SLC22A17: variants seen among roughly 807,000 people sequenced by gnomAD.
SLC22A17 encodes solute carrier family 22 member 17, also known as 24p3 receptor.
In SLC22A17, 38 loss-of-function variants were observed where a neutral mutation model predicts 53.6. The ratio of observed to expected loss-of-function variants is 0.71; its 90% CI spans 0.55 to 0.93. The LOEUF is 0.93. SLC22A17 is among the 40% of genes least tolerant of loss of function. The pLI, the probability that SLC22A17 is intolerant of heterozygous loss-of-function variation, is 0.00. For synonymous variants in SLC22A17, 379 were observed against 353.0 expected, an observed-to-expected ratio of 1.07 and a Z score of -0.82; for missense variants, 704 against 791.0, an observed-to-expected ratio of 0.89 and a Z score of 1.32.
Position 23,348,414 on chromosome 14 carries a change from G to C in SLC22A17, c.1025+92C>G. 1 of 1,582,306 alleles carries C rather than the reference G, an allele frequency of 6.3e-7. No individual in the cohort carries two copies. The highest frequency in any genetic ancestry group is 8.6e-7 in the Non-Finnish European group (1 of 1,160,912). ...GGGGCTGGGGTAGGCCTGGACCAGG[G>C]GTAGTTGGAGAAGAGGAGGGGTCTC... On this transcript the variant is annotated intron_variant, in intron 5 of 9. Transcript: ENST00000397267. The surrounding 1 kb of genome is among the most constrained non-coding windows in gnomAD (Gnocchi z 4.5).
chr14:23,349,747 A>G (rs1595011399), intron 3 of SLC22A17: 2 of 377,420 alleles, frequency 5.3e-6, no homozygotes, highest in East Asian at 1.0e-4. Context: ...GGGATTTGGG[A>G]CCATTCATCC....
chr14:23,352,042 G>A lies in SLC22A17; in HGVS notation c.506C>T (p.Ser169Leu), dbSNP rs148898539. 1.3e-4 allele frequency: 208 copies of A among 1,608,010 alleles called. 1 individual carries two copies. In the African/African-American group the frequency reaches 2.5e-3, roughly 20 times the overall value. The stretch of plus-strand genomic sequence containing the variant: ...GTCCGGCGGGGCGAAGCCGCTGCAC[G>A]AGGGGTCGGTACTGGTGGCGACACG... The change falls in exon 2 of 10, where the codon TCG (serine) becomes TTG (leucine). Residue 169 changes from serine to leucine, a missense_variant. By Grantham distance (145) the Ser-to-Leu change is moderately radical (BLOSUM62 -2). Around this residue, in one of 4 missense-constraint regions of SLC22A17, gnomAD observed 435 missense variants for 529.0 expected, o/e 0.82. Transcript: ENST00000397267. This position sits in a 1 kb window ranked among gnomAD's most constrained non-coding sequence, Gnocchi z 7.2.
rs543673813 is a variant in SLC22A17 at position 23,347,321 on chromosome 14, C to G, written c.1550-109G>C. 6.8e-7 allele frequency: 1 copy of G among 1,473,538 alleles called. No individual in the cohort carries two copies. The highest frequency in any genetic ancestry group is 2.4e-5 in the East Asian group (1 of 41,454). The allele number at this position is 1,473,538 out of a possible 1,614,324, so 91.3% of individuals were successfully genotyped here. On this transcript the variant is annotated intron_variant, in intron 8 of 9. Coordinates refer to ENST00000397267, the Ensembl canonical transcript of SLC22A17. This position sits in a 1 kb window ranked among gnomAD's most constrained non-coding sequence, Gnocchi z 5.1. The stretch of plus-strand genomic sequence containing the variant: ...GTTCCCATGGCTCTAGCTGGGCAGG[C>G]TCTGGGCATTCAGTAATTGACTGGG...
chr14:23,346,340 T>C (rs529277000), exon 10 of SLC22A17: 23 of 356,074 alleles, frequency 6.5e-5, no homozygotes, highest in Non-Finnish European at 1.1e-4. Flanking sequence ...CCAAATGTCT[T>C]TATTGAAACA....
At position 23,348,270 on chromosome 14, in the gene SLC22A17, C is replaced by A. The variant is rs777612884; in HGVS notation, c.1062G>T (p.Leu354=). ...CCTCCTCAATCTGCCGCTTCACTAT[C>A]AGCCACCGTGCGGACTCCAGGAACA... The change falls in exon 6 of 10, where the codon CTG becomes CTT. Residue 354 remains leucine, a synonymous_variant. Transcript: ENST00000397267. The surrounding 1 kb of genome is among the most constrained non-coding windows in gnomAD (Gnocchi z 4.5). The A allele has an allele frequency of 6.2e-7, 1 of 1,614,060 alleles. No individual in the cohort carries two copies. The highest frequency in any genetic ancestry group is 1.6e-4 in the Middle Eastern group (1 of 6,084).
exon 10 of SLC22A17, chr14:23,346,544 C>T: frequency 7.4e-7 from 1 of 1,353,258 alleles, no homozygotes; most frequent in South Asian, 1.5e-5. Flanking sequence ...GCGTGAGGTG[C>T]CTCTGAGACT....
In SLC22A17 at chr14:23,352,098, G is replaced by A; in HGVS notation, c.450C>T (p.Ala150=). 6.3e-7 allele frequency: 1 copy of A among 1,587,090 alleles called. No homozygotes were observed. The highest frequency in any genetic ancestry group is 8.6e-7 in the Non-Finnish European group (1 of 1,168,006). ...CGGCGCTGGCTGCTAGGGCAGCGCT[G>A]GCGACGCTGACGCCGCTGGCATTGG... Residue 150 remains alanine, a synonymous_variant, in exon 2 of 10, where the codon GCC becomes GCT. Coordinates refer to ENST00000397267, the Ensembl canonical transcript of SLC22A17. This position sits in a 1 kb window ranked among gnomAD's most constrained non-coding sequence, Gnocchi z 7.2.
In SLC22A17 at chr14:23,347,543, G is replaced by A. The variant is rs1362755097; in HGVS notation, c.1466C>T (p.Ala489Val). Residue 489 changes from alanine to valine, a missense_variant, in exon 8 of 10, where the codon GCT becomes GTT. Physicochemically the swap from Ala to Val is moderately conservative, Grantham distance 64. Transcript: ENST00000397267. This position sits in a 1 kb window ranked among gnomAD's most constrained non-coding sequence, Gnocchi z 5.1. ...CCACAGGCCCAGCAGGACCAGGGAA[G>A]CAATGCCGGTAAGGGTCATGGAGAG... is the stretch of plus-strand genomic sequence containing the variant. 1.9e-6 allele frequency: 3 copies of A among 1,614,122 alleles called. No homozygotes were observed. Among genetic ancestry groups the A allele is most frequent in the Admixed American group, 1.7e-5 (1 of 60,022 alleles).
exon 10 of SLC22A17, chr14:23,346,552 A>T (rs1456171599): frequency 1.4e-6 from 2 of 1,385,816 alleles, no homozygotes; most frequent in Non-Finnish European, 1.9e-6. Flanking sequence ...TGCCTCTGAG[A>T]CTTCTGGGCA....
Position 23,348,670 on chromosome 14 carries a change from G to T in SLC22A17, c.861C>A (p.Arg287=). The change falls in exon 5 of 10, where the codon CGC becomes CGA. Residue 287 remains arginine, a splice_region_variant and synonymous_variant. Transcript: ENST00000397267. This position sits in a 1 kb window ranked among gnomAD's most constrained non-coding sequence, Gnocchi z 4.5. ...TCTGGGTTGGGTCGCACAGCTCCAG[G>T]CCTGGAGATACAGCAGGGGTGGAGA... The T allele has an allele frequency of 6.2e-7, 1 of 1,609,246 alleles. No homozygotes were observed. The highest frequency in any genetic ancestry group is 8.5e-7 in the Non-Finnish European group (1 of 1,177,742).
intron 3 of SLC22A17, among the ~76,000 whole-genome samples, chr14:23,350,379 A>G (rs1340242475): frequency 2.6e-5 from 4 of 152,222 alleles, no homozygotes; most frequent in Non-Finnish European, 4.4e-5. Context: ...GTATTAATCC[A>G]TAAGGTAGGA....
At chr14:23,349,393 C>G (rs1244477287) in exon 4 of SLC22A17, 1 of 1,613,718 alleles carries the variant, frequency 6.2e-7, no homozygotes, top group Non-Finnish European at 8.5e-7. Flanking sequence ...CCACCAGCCC[C>G]AAGGTCAGCA....
In SLC22A17 at chr14:23,347,038, T is replaced by TGG. The variant is rs1889253644; in HGVS notation, c.1661+61_1661+62dup. On this transcript the variant is annotated intron_variant, in intron 9 of 9. Coordinates refer to ENST00000397267, the Ensembl canonical transcript of SLC22A17. This position sits in a 1 kb window ranked among gnomAD's most constrained non-coding sequence, Gnocchi z 5.1. ...AGCCCGCAGGCCCTGTCCTCAGGGG[T>TGG]GGGGTGGGGGAGCGGGAGGCGAGGG... is the stretch of plus-strand genomic sequence containing the variant. 1 of 1,524,480 alleles carries TGG rather than the reference T, an allele frequency of 6.6e-7. No homozygotes were observed. The highest frequency in any genetic ancestry group is 1.4e-5 in the African/African-American group (1 of 73,108). The allele number at this position is 1,524,480 out of a possible 1,614,324, so 94.4% of individuals were successfully genotyped here.
chr14:23,348,800 T>G lies in SLC22A17; in HGVS notation c.860-129A>C. ...GACCCAGAGTGGAGGCTGCAGCCAT[T>G]GCCTCCCTTGCTAACCTCTGGGTGG... On this transcript the variant is annotated intron_variant, in intron 4 of 9. Coordinates refer to ENST00000397267, the Ensembl canonical transcript of SLC22A17. This position sits in a 1 kb window ranked among gnomAD's most constrained non-coding sequence, Gnocchi z 4.5. 3.1e-6 allele frequency: 3 copies of G among 957,074 alleles called. No homozygotes were observed. Among genetic ancestry groups the G allele is most frequent in the Non-Finnish European group, 4.5e-6 (3 of 661,420 alleles). The allele number at this position is 957,074 out of a possible 1,614,324, so 59.3% of individuals were successfully genotyped here. A position where few individuals can be genotyped will look rare whatever the true frequency, so the allele number is the denominator to read the frequency against.
exon 10 of SLC22A17, chr14:23,346,799 C>T: frequency 6.5e-7 from 1 of 1,542,888 alleles, no homozygotes; most frequent in Non-Finnish European, 8.7e-7. Flanking sequence ...CAGCATAATG[C>T]TGAGAATGCA....
At position 23,348,853 on chromosome 14, in the gene SLC22A17, C is replaced by A; in HGVS notation, c.860-182G>T. ...AGGACTGGGGAGACTGTTCAGCCCT[C>A]TCTCCTCTCCTGCTCAAACCTAGGA... On this transcript the variant is annotated intron_variant, in intron 4 of 9. Transcript: ENST00000397267. This position sits in a 1 kb window ranked among gnomAD's most constrained non-coding sequence, Gnocchi z 4.5. 1 of 653,268 alleles carries A rather than the reference C, an allele frequency of 1.5e-6. No homozygotes were observed. The highest frequency in any genetic ancestry group is 2.6e-6 in the Non-Finnish European group (1 of 388,394). 40.5% of individuals were successfully genotyped at this position (653,268 alleles called of 1,614,324 possible). A position where few individuals can be genotyped will look rare whatever the true frequency, so the allele number is the denominator to read the frequency against.
rs1278007997 is a variant in SLC22A17 at position 23,347,620 on chromosome 14, A to G, written c.1389T>C (p.Cys463=). The change falls in exon 8 of 10, where the codon TGT becomes TGC. Residue 463 remains cysteine (C), a synonymous_variant. Coordinates refer to ENST00000397267, the Ensembl canonical transcript of SLC22A17. This position sits in a 1 kb window ranked among gnomAD's most constrained non-coding sequence, Gnocchi z 5.1. ...GGTCCACGGTGACCCCCAGGAAGAC[A>G]CAGGCCAGGGCTGCGGTGCCGCTGG... 1 of 1,613,902 alleles carries G rather than the reference A, an allele frequency of 6.2e-7. No homozygotes were observed. The highest frequency in any genetic ancestry group is 1.3e-5 in the African/African-American group (1 of 74,910).
chr14:23,351,983 CATT>C lies in SLC22A17; in HGVS notation c.562_564del (p.Asn188del), dbSNP rs777390383. 9.3e-6 allele frequency: 15 copies of C among 1,612,748 alleles called. No individual in the cohort carries two copies. In the African/African-American group the frequency reaches 1.9e-4, roughly 20 times the overall value. On this transcript the variant is annotated inframe_deletion, in exon 2 of 10. Coordinates refer to ENST00000397267, the Ensembl canonical transcript of SLC22A17. ...GCGTTGGTGGTGAGCACAGGAAGGC[CATT>C]ATAGTCCCAATCCTTGAGGCAATGG...
In SLC22A17 at chr14:23,348,827, A is replaced by G; in HGVS notation, c.860-156T>C. The stretch of plus-strand genomic sequence containing the variant: ...CCTCCCTTGCTAACCTCTGGGTGGC[A>G]AGGACTGGGGAGACTGTTCAGCCCT... On this transcript the variant is annotated intron_variant, in intron 4 of 9. Transcript: ENST00000397267. This position sits in a 1 kb window ranked among gnomAD's most constrained non-coding sequence, Gnocchi z 4.5. 1 of 791,600 alleles carries G rather than the reference A, an allele frequency of 1.3e-6. No individual in the cohort carries two copies. The highest frequency in any genetic ancestry group is 2.0e-6 in the Non-Finnish European group (1 of 512,020). The allele number at this position is 791,600 out of a possible 1,614,324, so 49.0% of individuals were successfully genotyped here.
Sources: allele counts gnomAD v4.1 joint callset (sites outside exome capture counted in the v4.1 genomes callset), GRCh38; gene constraint gnomAD v4.1.1; regional missense constraint gnomAD v4.1.1; non-coding constraint Gnocchi (gnomAD v3.1); transcripts MANE v1.5; gene names NCBI Gene and HGNC (gene_info 2026-07-23, HGNC 2026-07-21).